The following ANKRD44 variants were observed in gnomAD, a reference collection of about 807,000 sequenced individuals.
The protein encoded by ANKRD44 is serine/threonine-protein phosphatase 6 regulatory ankyrin repeat subunit B.
A neutral mutation model predicts 116.0 loss-of-function variants in ANKRD44; 35 were observed. That is an observed-to-expected ratio of 0.30 (90% CI 0.23 to 0.40). ANKRD44 has a LOEUF of 0.40. Ranked by LOEUF, ANKRD44 falls within the 10% of genes least tolerant of loss-of-function variation. The pLI, the probability that ANKRD44 is intolerant of heterozygous loss-of-function variation, is 1.00. For missense variants in ANKRD44, 1,014 were observed against 1,242.6 expected, an observed-to-expected ratio of 0.82 and a Z score of 2.77; for synonymous variants, 435 against 461.8, an observed-to-expected ratio of 0.94 and a Z score of 0.74.
intron 1 of ANKRD44, chr2:197,250,838 G>T (rs950132688): frequency 1.8e-4 from 28 of 152,322 alleles, no homozygotes; most frequent in African/African-American, 6.7e-4. Flanking sequence ...CTGCAAAAAT[G>T]TAGAAGCAGA....
At chr2:197,299,844 A>G (rs935842203) in intron 1 of ANKRD44, among the ~76,000 whole-genome samples, 2 of 152,026 alleles carry the variant, frequency 1.3e-5, no homozygotes, top group African/African-American at 4.8e-5. Flanking sequence ...TTTAAGAAGG[A>G]AAAAAAAGTC....
chr2:197,282,866 G>T (rs2083305649), intron 1 of ANKRD44, among the ~76,000 whole-genome samples: 1 of 152,212 alleles, frequency 6.6e-6, no homozygotes, highest in Non-Finnish European at 1.5e-5. Context: ...GCTGAGGCAG[G>T]AGGATCATTT....
chr2:197,067,922 T>C (rs1317539954), intron 16 of ANKRD44, among the ~76,000 whole-genome samples: 5 of 151,368 alleles, frequency 3.3e-5, no homozygotes. Context: ...GTATGTTTAT[T>C]GTGGCACTAT....
chr2:197,127,705 A>G (rs189557040), intron 4 of ANKRD44, among the ~76,000 whole-genome samples: 1 of 152,304 alleles, frequency 6.6e-6, no homozygotes, highest in African/African-American at 2.4e-5. Context: ...GTACATGTGC[A>G]GAATGTACAG....
At chr2:197,078,852 T>C (rs1350687172) in intron 15 of ANKRD44, 38 bp from the exon 16 acceptor site, 1 of 1,591,174 alleles carries the variant, frequency 6.3e-7, no homozygotes, top group Admixed American at 1.7e-5. Flanking sequence ...TTAGAAAACA[T>C]CTCTGGACTG....
intron 15 of ANKRD44, among the ~76,000 whole-genome samples, chr2:197,079,895 T>C (rs951126796): frequency 2.0e-5 from 3 of 152,190 alleles, no homozygotes; most frequent in African/African-American, 7.2e-5. Flanking sequence ...CTTCAATTTC[T>C]AGAAAAACTG....
chr2:197,083,530 T>G (rs985246758), intron 13 of ANKRD44, 21 bp from the exon 14 acceptor site: 4 of 1,606,560 alleles, frequency 2.5e-6, no homozygotes, highest in Non-Finnish European at 3.4e-6. Context: ...AACAGCAATT[T>G]ATTACTCCAT....
At chr2:196,996,885 CAAGT>C (rs1460001744) in intron 25 of ANKRD44, among the ~76,000 whole-genome samples, 4 of 85,344 alleles carry the variant, frequency 4.7e-5, no homozygotes, top group Non-Finnish European at 8.6e-5. Context: ...GCCTGGGCAA[CAAGT>C]AAGACTCTGC....
chr2:197,245,880 T>C (rs907071979), intron 1 of ANKRD44, among the ~76,000 whole-genome samples: 45 of 152,210 alleles, frequency 3.0e-4, no homozygotes, highest in African/African-American at 1.1e-3. Flanking sequence ...TATTCCCTAA[T>C]ACAGTTCTCA....
At chr2:197,109,167 T>C (rs538468839) in intron 9 of ANKRD44, among the ~76,000 whole-genome samples, 2 of 152,356 alleles carry the variant, frequency 1.3e-5, no homozygotes, top group African/African-American at 4.8e-5. Flanking sequence ...TAAGTTTTGT[T>C]TGTTTCTAAA....
intron 16 of ANKRD44, among the ~76,000 whole-genome samples, chr2:197,048,980 C>A (rs930267179): frequency 2.0e-5 from 3 of 151,936 alleles, no homozygotes; most frequent in Non-Finnish European, 2.9e-5. Flanking sequence ...GCATAAATGT[C>A]TTCTTTGGAG....
At chr2:197,082,906 G>A (rs903948240) in intron 14 of ANKRD44, among the ~76,000 whole-genome samples, 1 of 152,160 alleles carries the variant, frequency 6.6e-6, no homozygotes, top group African/African-American at 2.4e-5. Flanking sequence ...GCTCCTGAAA[G>A]GGCATTCATA....
intron 21 of ANKRD44, among the ~76,000 whole-genome samples, chr2:196,974,708 G>C (rs986986198): frequency 2.6e-5 from 4 of 152,038 alleles, no homozygotes; most frequent in African/African-American, 9.7e-5. Flanking sequence ...TGGCCAACAT[G>C]TTGAAACCCT....
intron 25 of ANKRD44, among the ~76,000 whole-genome samples, chr2:196,997,668 C>T (rs779911255): frequency 4.0e-5 from 6 of 151,816 alleles, no homozygotes; most frequent in Non-Finnish European, 8.8e-5. Context: ...AGGCTGGTCT[C>T]GAACTCCCGA....
At chr2:197,095,451 C>T (rs1282052235) in intron 10 of ANKRD44, among the ~76,000 whole-genome samples, 2 of 152,226 alleles carry the variant, frequency 1.3e-5, no homozygotes, top group African/African-American at 4.8e-5. Context: ...CATGCCAAGT[C>T]CACTGTTCCA....
intron 16 of ANKRD44, among the ~76,000 whole-genome samples, chr2:197,046,702 A>G (rs1054063512): frequency 5.9e-5 from 9 of 151,348 alleles, no homozygotes; most frequent in African/African-American, 2.2e-4. Context: ...CTGGAGTAGT[A>G]TACATGTCTC....
At chr2:197,159,520 GCTTTT>G (rs1037435448) in intron 2 of ANKRD44, among the ~76,000 whole-genome samples, 1 of 152,168 alleles carries the variant, frequency 6.6e-6, no homozygotes, top group African/African-American at 2.4e-5. Flanking sequence ...TCTAGCAAAA[GCTTTT>G]CTTAAGTAAT....
In ANKRD44 at chr2:197,032,939, G is replaced by C. The variant is rs142277095; in HGVS notation, c.1651-7672C>G. On this transcript the variant is annotated intron_variant, in intron 16 of 27. Transcript: ENST00000282272. ...TGATGCCTTCTTCATAAGAAACAAAGAGAAGAAGCAAGATCAAAGTAGAGA... is the reference window on the plus strand; with the variant it reads ...TGATGCCTTCTTCATAAGAAACAAACAGAAGAAGCAAGATCAAAGTAGAGA... Among the ~76,000 whole-genome samples, 4 of 152,322 alleles carry C rather than the reference G, an allele frequency of 2.6e-5. 1 individual carries two copies. The highest frequency in any genetic ancestry group is 5.9e-5 in the Non-Finnish European group (4 of 68,028).
intron 11 of ANKRD44, 78 bp downstream of exon 11, chr2:197,089,872 A>G: frequency 7.7e-7 from 1 of 1,290,744 alleles, no homozygotes; most frequent in Non-Finnish European, 1.1e-6. Context: ...GCAGCCACTC[A>G]CTCTGACCAG....
Sources: gnomAD v4.1 joint callset for allele counts (sites outside exome capture counted in the v4.1 genomes callset) on GRCh38, gnomAD v4.1.1 for gene constraint, MANE v1.5 for transcripts, NCBI Gene and HGNC (gene_info 2026-07-23, HGNC 2026-07-21) for gene names.